The following JAKMIP3 variants were observed in gnomAD, a reference collection of about 807,000 sequenced individuals.
The protein encoded by JAKMIP3 is Janus kinase and microtubule interacting protein 3, also known as janus kinase and microtubule-interacting protein 3.
JAKMIP3 carries 58 observed loss-of-function variants against 118.5 expected under a neutral mutation model. The ratio of observed to expected loss-of-function variants is 0.49; its 90% CI spans 0.40 to 0.61. The LOEUF (loss-of-function observed/expected upper bound fraction) is 0.61, where lower values mean the gene tolerates loss of function less well. Ranked by LOEUF, JAKMIP3 falls within the 20% of genes least tolerant of loss-of-function variation. The probability of loss-of-function intolerance (pLI) is 0.00; values close to 1 mark genes in which losing one functional copy is unlikely to be tolerated. For synonymous variants in JAKMIP3, 486 were observed against 451.2 expected (o/e 1.08, Z -0.98); for missense variants, 950 against 1,109.0 (o/e 0.86, Z 2.04).
intron 2 of JAKMIP3, among the ~76,000 whole-genome samples, chr10:132,116,180 A>T (rs2047613824): frequency 6.6e-6 from 1 of 152,264 alleles, no homozygotes; most frequent in African/African-American, 2.4e-5. Context: ...TTCAGATACC[A>T]ACAATTCTCA....
intron 1 of JAKMIP3, among the ~76,000 whole-genome samples, chr10:132,046,618 T>TTAGGC (rs2037927104): frequency 2.0e-5 from 3 of 152,224 alleles, no homozygotes; most frequent in Non-Finnish European, 4.4e-5. Context: ...TATTTATCCA[T>TTAGGC]TCTCCTAGTT....
intron 3 of JAKMIP3, among the ~76,000 whole-genome samples, chr10:132,120,363 C>T (rs2048350553): frequency 6.6e-6 from 1 of 152,106 alleles, no homozygotes; most frequent in Admixed American, 6.5e-5. Flanking sequence ...GTGACTCGCC[C>T]CTTCCCCCAG....
At chr10:132,094,110 A>G (rs763283796) in intron 1 of JAKMIP3, among the ~76,000 whole-genome samples, 13 of 151,454 alleles carry the variant, frequency 8.6e-5, no homozygotes, top group Non-Finnish European at 1.5e-5. Context: ...GCTAATTTTT[A>G]TATTTTTAGT....
intron 1 of JAKMIP3, among the ~76,000 whole-genome samples, chr10:132,047,634 C>A (rs992271844): frequency 6.6e-6 from 1 of 152,138 alleles, no homozygotes; most frequent in Non-Finnish European, 1.5e-5. Flanking sequence ...GGTCCCCACC[C>A]CCCCCTGCGA....
At chr10:132,137,316 C>T in intron 8 of JAKMIP3, 27 bp downstream of exon 8, 1 of 1,613,466 alleles carries the variant, frequency 6.2e-7, no homozygotes, top group Non-Finnish European at 8.5e-7. Flanking sequence ...CCCGCTTCCC[C>T]ACGCCTCCGC....
chr10:132,181,779 G>A (rs2061510532), intron 23 of JAKMIP3, among the ~76,000 whole-genome samples: 1 of 152,018 alleles, frequency 6.6e-6, no homozygotes, highest in Admixed American at 6.5e-5. Context: ...GTGTCTCTAC[G>A]GCCGGGCCCT....
rs143665938 is a variant in JAKMIP3, at chr10:132,171,720, C to T, written c.*1103+2687C>T. Among the ~76,000 whole-genome samples, 606 of 148,410 alleles carry T rather than the reference C, an allele frequency of 4.1e-3. 4 individuals are homozygous for T. Among genetic ancestry groups the T allele is most frequent in the African/African-American group, 0.014 (553 of 40,040 alleles). On this transcript the variant is annotated intron_variant, in intron 23 of 23. Coordinates refer to ENST00000684848, the MANE Select transcript of JAKMIP3 (RefSeq NM_001323087.2). ...AGGCTGGAGTTCAGTGGCGCGATCT[C>T]GGCTCACTGCAACCTCCTCCTCCTC...
chr10:132,127,890 A>G (rs1013871668), intron 3 of JAKMIP3, among the ~76,000 whole-genome samples: 1 of 152,244 alleles, frequency 6.6e-6, no homozygotes, highest in African/African-American at 2.4e-5. Flanking sequence ...CAAGTACCTT[A>G]TAAGGCAATA....
intron 23 of JAKMIP3, among the ~76,000 whole-genome samples, chr10:132,177,825 G>T: frequency 6.9e-6 from 1 of 144,802 alleles, no homozygotes; most frequent in Non-Finnish European, 1.5e-5. Flanking sequence ...GGTTGTGCGT[G>T]CGCACCTGCT....
chr10:132,104,567 A>G (rs11146176), intron 1 of JAKMIP3, 105 bp from the exon 2 acceptor site: 104,753 of 538,550 alleles, frequency 0.19, 11,813 homozygotes, highest in African/African-American at 0.38. Flanking sequence ...TCAGCACTGC[A>G]ATGAGGTGGG....
chr10:132,167,897 CACTCCA>C, intron 22 of JAKMIP3, 50 bp from the exon 23 acceptor site: 4 of 1,254,758 alleles, frequency 3.2e-6, no homozygotes, highest in Admixed American at 2.3e-5. Flanking sequence ...CCTCGCCCCT[CACTCCA>C]GCCAAGCGGA....
intron 22 of JAKMIP3, among the ~76,000 whole-genome samples, chr10:132,167,374 G>A (rs559790491): frequency 9.8e-4 from 150 of 152,324 alleles, no homozygotes; most frequent in Middle Eastern, 3.4e-3. Context: ...GGGTCTTTCT[G>A]CTTTGGTGGC....
chr10:132,153,668 C>G (rs530095672), intron 17 of JAKMIP3, 91 bp from the exon 18 acceptor site: 8 of 1,241,960 alleles, frequency 6.4e-6, no homozygotes, highest in Non-Finnish European at 9.5e-6. Flanking sequence ...AAGGAAGACC[C>G]AGGCTGTCCT....
chr10:132,079,371 A>G (rs1169905277), intron 1 of JAKMIP3, among the ~76,000 whole-genome samples: 2 of 151,844 alleles, frequency 1.3e-5, no homozygotes, highest in African/African-American at 2.4e-5. Context: ...CATCTCTTGT[A>G]CTTCTGGTTG....
intron 1 of JAKMIP3, among the ~76,000 whole-genome samples, chr10:132,045,289 C>T (rs2037874801): frequency 6.6e-6 from 1 of 152,168 alleles, no homozygotes; most frequent in Non-Finnish European, 1.5e-5. Context: ...GAGCCTGTTT[C>T]ATGCTTGTTG....
chr10:132,136,156 T>G, intron 6 of JAKMIP3, 80 bp downstream of exon 6: 1 of 1,485,182 alleles, frequency 6.7e-7, no homozygotes, highest in East Asian at 2.3e-5. Flanking sequence ...CACGCAAGAT[T>G]TAGCATGACA....
At chr10:132,142,888 C>T (rs985349303) in intron 11 of JAKMIP3, among the ~76,000 whole-genome samples, 12 of 152,208 alleles carry the variant, frequency 7.9e-5, no homozygotes, top group Non-Finnish European at 1.3e-4. Flanking sequence ...CAGTGTCTGG[C>T]AATTCTGCAA....
intron 3 of JAKMIP3, among the ~76,000 whole-genome samples, chr10:132,119,204 C>T (rs752600385): frequency 1.0e-4 from 15 of 150,256 alleles, no homozygotes; most frequent in Non-Finnish European, 4.4e-5. Flanking sequence ...TTTTTTTTTG[C>T]AGCTACGGGC....
chr10:132,132,894 T>C (rs2050909928), intron 3 of JAKMIP3, among the ~76,000 whole-genome samples: 1 of 152,216 alleles, frequency 6.6e-6, no homozygotes, highest in Admixed American at 6.5e-5. Context: ...CCGTGGCACC[T>C]TCCTATTGGC....
Sources: allele counts gnomAD v4.1 joint callset (sites outside exome capture counted in the v4.1 genomes callset), GRCh38; gene constraint gnomAD v4.1.1; transcripts MANE v1.5; gene names NCBI Gene and HGNC (gene_info 2026-07-23, HGNC 2026-07-21).